PNPLA7: variants seen among roughly 807,000 people sequenced by gnomAD.
PNPLA7 encodes patatin-like phospholipase domain-containing protein 7.
Under a neutral mutation model 161.7 loss-of-function variants are expected in PNPLA7, and 153 were observed. That is an observed-to-expected ratio of 0.95 (90% CI 0.83 to 1.08). The LOEUF is 1.08. Ranked by LOEUF, PNPLA7 falls within the 50% of genes least tolerant of loss-of-function variation. PNPLA7 has a pLI of 0.00. For synonymous variants in PNPLA7, 809 were observed against 782.1 expected (o/e 1.03, Z -0.57); for missense variants, 1,739 against 1,856.6 (o/e 0.94, Z 1.16).
intron 14 of PNPLA7, among the ~76,000 whole-genome samples, chr9:137,502,430 C>G (rs141606383): frequency 4.6e-5 from 7 of 151,012 alleles, no homozygotes; most frequent in African/African-American, 9.7e-5. Flanking sequence ...GCAGCTCCCC[C>G]CCAAAAGAGA....
rs571632647 is a variant in PNPLA7, at chr9:137,512,425, G to C, written c.1225+2954C>G. ...AGGAAAACAGGCCAACCTCACCTCG[G>C]CTGGCAGCCATCGGGACGGCAGGCA... On this transcript the variant is annotated intron_variant, in intron 12 of 34. Transcript: ENST00000406427. Among the ~76,000 whole-genome samples, 4 of 152,370 alleles carry C rather than the reference G, an allele frequency of 2.6e-5. No individual in the cohort carries two copies. The South Asian group carries it at 8.3e-4, about 32-fold the overall frequency.
At chr9:137,479,981 G>T in intron 23 of PNPLA7, 1 of 862,530 alleles carries the variant, frequency 1.2e-6, no homozygotes, top group Non-Finnish European at 1.4e-6. Context: ...GTGGAGAAAA[G>T]CAAACTTCAG....
At chr9:137,549,799 C>T (rs1836751195) in intron 1 of PNPLA7, among the ~76,000 whole-genome samples, 1 of 151,580 alleles carries the variant, frequency 6.6e-6, no homozygotes, top group African/African-American at 2.4e-5. Context: ...AAAAAAAAAA[C>T]ACAGAAAAAG....
chr9:137,490,595 G>A lies in PNPLA7; in HGVS notation c.2197+2418C>T, dbSNP rs1832716623. On this transcript the variant is annotated intron_variant, in intron 20 of 34. Coordinates refer to ENST00000406427, the MANE Select transcript of PNPLA7 (RefSeq NM_001098537.3). This position sits in a 1 kb window ranked among gnomAD's most constrained non-coding sequence, Gnocchi z 4.1. ...CCCTTCAGCATGAGGGTGACATGGA[G>A]ATATTCTCAGATTCTCAGATGAGGG... Among the ~76,000 whole-genome samples, 1 of 152,186 alleles carries A rather than the reference G, an allele frequency of 6.6e-6. No homozygotes were observed. The highest frequency in any genetic ancestry group is 1.5e-5 in the Non-Finnish European group (1 of 68,040).
In PNPLA7 at chr9:137,520,064, T is replaced by C; in HGVS notation, c.958-21A>G. ...CTCTCCTGGGACACAAGAAGGAAGTTCAGTGCCACCCCAGGAACACCCCAC... is the reference window on the plus strand; with the variant it reads ...CTCTCCTGGGACACAAGAAGGAAGTCCAGTGCCACCCCAGGAACACCCCAC... On this transcript the variant is annotated intron_variant, in intron 10 of 34. Transcript: ENST00000406427. This position sits in a 1 kb window ranked among gnomAD's most constrained non-coding sequence, Gnocchi z 5.2. 6.2e-7 allele frequency: 1 copy of C among 1,611,028 alleles called. No individual in the cohort carries two copies.
intron 19 of PNPLA7, 85 bp from the exon 20 acceptor site, chr9:137,493,167 G>A (rs1009635808): frequency 3.3e-5 from 46 of 1,397,924 alleles, no homozygotes; most frequent in South Asian, 2.9e-4. Flanking sequence ...CAACAACAGC[G>A]AGACTCAGCC....
At chr9:137,462,466 C>T (rs1296151871) in intron 30 of PNPLA7, 135 bp from the exon 31 acceptor site, 3 of 1,434,642 alleles carry the variant, frequency 2.1e-6, no homozygotes, top group African/African-American at 1.4e-5. Flanking sequence ...TAGCAGCACC[C>T]GGCCGGGGGT....
intron 8 of PNPLA7, among the ~76,000 whole-genome samples, chr9:137,535,987 C>A (rs1835867293): frequency 1.3e-5 from 2 of 151,348 alleles, no homozygotes; most frequent in Admixed American, 1.3e-4. Flanking sequence ...CCCGTCTCTA[C>A]TAAAAAATAC....
rs1420065107 is a variant in PNPLA7 at position 137,523,498 on chromosome 9, G to A, written c.748-641C>T. Reference sequence around the variant, plus strand: ...GTTTCCATCTTCTAGAAATTGGTGGGCTCTAGAGAGAAAAGGCTGTTTTTA... The same window carrying A: ...GTTTCCATCTTCTAGAAATTGGTGGACTCTAGAGAGAAAAGGCTGTTTTTA... On this transcript the variant is annotated intron_variant, in intron 8 of 34. Coordinates refer to ENST00000406427, the MANE Select transcript of PNPLA7 (RefSeq NM_001098537.3). This position sits in a 1 kb window ranked among gnomAD's most constrained non-coding sequence, Gnocchi z 4.4. 1.3e-5 allele frequency among the ~76,000 whole-genome samples: 2 copies of A among 152,230 alleles called. No individual in the cohort carries two copies. The highest frequency in any genetic ancestry group is 1.9e-4 in the East Asian group (1 of 5,204).
chr9:137,504,101 AGAAG>A (rs1284452795), intron 14 of PNPLA7, among the ~76,000 whole-genome samples: 2 of 151,300 alleles, frequency 1.3e-5, no homozygotes, highest in Non-Finnish European at 2.9e-5. Flanking sequence ...AGAAGGAAGA[AGAAG>A]AAAGAAAGAA....
intron 17 of PNPLA7, 139 bp from the exon 18 acceptor site, chr9:137,497,449 A>G (rs1833125950): frequency 1.2e-6 from 1 of 815,572 alleles, no homozygotes; most frequent in Middle Eastern, 2.7e-4. Context: ...TTTGGAAAAC[A>G]TATTTTTTAT....
Position 137,520,169 on chromosome 9 carries a change from A to C in PNPLA7, c.958-126T>G. ...GGTGTGACAGGTGTGGGCCCCTCAA[A>C]GGTGTGACAGGTGTGGGACTCTCAA... On this transcript the variant is annotated intron_variant, in intron 10 of 34. Coordinates refer to ENST00000406427, the MANE Select transcript of PNPLA7 (RefSeq NM_001098537.3). The surrounding 1 kb of genome is among the most constrained non-coding windows in gnomAD (Gnocchi z 5.2). 1.5e-6 allele frequency: 2 copies of C among 1,317,664 alleles called. No homozygotes were observed. The highest frequency in any genetic ancestry group is 2.1e-6 in the Non-Finnish European group (2 of 960,712). 81.6% of individuals were successfully genotyped at this position (1,317,664 alleles called of 1,614,324 possible). A position where few individuals can be genotyped will look rare whatever the true frequency, so the allele number is the denominator to read the frequency against.
At position 137,500,680 on chromosome 9, in the gene PNPLA7, G is replaced by A. The variant is rs376552913; in HGVS notation, c.1757+11C>T. ...GGGGCCCGCCCTGAGGTCCTGGCCC[G>A]TGGGACTCACTCATAGAAGTGGGCC... On this transcript the variant is annotated intron_variant, in intron 16 of 34. Transcript: ENST00000406427. This position sits in a 1 kb window ranked among gnomAD's most constrained non-coding sequence, Gnocchi z 5.5. The A allele has an allele frequency of 1.4e-5, 23 of 1,611,648 alleles. No individual in the cohort carries two copies. The highest frequency in any genetic ancestry group is 8.3e-5 in the Admixed American group (5 of 59,936).
At chr9:137,461,465 G>T (rs1444043330) in intron 33 of PNPLA7, 71 bp downstream of exon 33, 4 of 1,461,514 alleles carry the variant, frequency 2.7e-6, no homozygotes, top group Non-Finnish European at 2.8e-6. Context: ...CTGGGGTGGG[G>T]GGGTTCAAGC....
At chr9:137,533,703 T>A (rs1489165430) in intron 8 of PNPLA7, among the ~76,000 whole-genome samples, 2 of 120,320 alleles carry the variant, frequency 1.7e-5, no homozygotes, top group African/African-American at 3.2e-5. Flanking sequence ...ATGGGAGCAC[T>A]CCCAGACTCC....
chr9:137,473,280 A>G (rs894884950), intron 25 of PNPLA7, among the ~76,000 whole-genome samples: 11 of 152,210 alleles, frequency 7.2e-5, no homozygotes, highest in Non-Finnish European at 1.6e-4. Context: ...ACCAGACACC[A>G]CATGGGAAAA....
intron 8 of PNPLA7, among the ~76,000 whole-genome samples, chr9:137,536,346 A>G (rs867677891): frequency 7.9e-5 from 12 of 152,032 alleles, no homozygotes; most frequent in African/African-American, 2.7e-4. Context: ...AGGGGAAGGA[A>G]GGGTGGGTGG....
chr9:137,500,615 G>T lies in PNPLA7; in HGVS notation c.1757+76C>A, dbSNP rs1833340012. 1 of 1,385,728 alleles carries T rather than the reference G, an allele frequency of 7.2e-7. No individual in the cohort carries two copies. Among genetic ancestry groups the T allele is most frequent in the African/African-American group, 1.4e-5 (1 of 70,532 alleles). The allele number at this position is 1,385,728 out of a possible 1,614,324, so 85.8% of individuals were successfully genotyped here. On this transcript the variant is annotated intron_variant, in intron 16 of 34. Coordinates refer to ENST00000406427, the MANE Select transcript of PNPLA7 (RefSeq NM_001098537.3). This position sits in a 1 kb window ranked among gnomAD's most constrained non-coding sequence, Gnocchi z 5.5. ...GAAGAGGGTGAGAGCACCAGGAAGAGGCCGGCCACGCGGGGAGGGGTCTCA... is the reference window on the plus strand; with the variant it reads ...GAAGAGGGTGAGAGCACCAGGAAGATGCCGGCCACGCGGGGAGGGGTCTCA...
intron 14 of PNPLA7, among the ~76,000 whole-genome samples, chr9:137,504,063 A>AAAGAAGAAGG (rs1370616490): frequency 1.5e-5 from 2 of 131,710 alleles, no homozygotes; most frequent in Non-Finnish European, 3.3e-5. Context: ...GAAGAAGAAG[A>AAAGAAGAAGG]AAGAAGAAGG....
Sources: gnomAD v4.1 joint callset for allele counts (sites outside exome capture counted in the v4.1 genomes callset) on GRCh38, gnomAD v4.1.1 for gene constraint, Gnocchi (gnomAD v3.1) non-coding constraint, MANE v1.5 for transcripts, NCBI Gene and HGNC (gene_info 2026-07-23, HGNC 2026-07-21) for gene names.